Variants in HINFP observed in about 807,000 individuals in gnomAD.
HINFP encodes MBD2 (methyl-CpG-binding protein)-interacting zinc finger protein.
Under a neutral mutation model 50.1 loss-of-function variants are expected in HINFP, and 20 were observed. That is an observed-to-expected ratio of 0.40 (90% CI 0.28 to 0.58). HINFP has a LOEUF of 0.58. HINFP is among the 20% of genes least tolerant of loss of function. The probability of loss-of-function intolerance (pLI) is 0.45; values close to 1 mark genes in which losing one functional copy is unlikely to be tolerated. For missense variants in HINFP, 505 were observed against 664.1 expected (o/e 0.76, Z 2.63); for synonymous variants, 247 against 243.7 (o/e 1.01, Z -0.13).
chr11:119,122,026 G>T, intron 1 of HINFP: 1 of 152,350 alleles, frequency 6.6e-6, no homozygotes. Context: ...ACTTTGTTTC[G>T]GTCGTTGTCT....
chr11:119,124,159 A>C (rs1307289730), intron 1 of HINFP: 1 of 152,222 alleles, frequency 6.6e-6, no homozygotes, highest in East Asian at 1.9e-4. Flanking sequence ...GTCTGTGAGC[A>C]GCTCAGCAAC....
At chr11:119,125,070 A>G (rs1215131934) in intron 1 of HINFP, 1 of 90,614 alleles carries the variant, frequency 1.1e-5, no homozygotes, top group Non-Finnish European at 2.0e-5. Context: ...ACAGAGTCTT[A>G]CTCTGTTGCC....
At chr11:119,132,287 T>A in intron 5 of HINFP, 2 of 624,690 alleles carry the variant, frequency 3.2e-6, no homozygotes, top group African/African-American at 1.8e-5. Context: ...TTACCTGAGA[T>A]CACACAGCTA....
At chr11:119,126,744 C>CT (rs1947429967) in intron 1 of HINFP, 191 bp from the exon 2 acceptor site, 1 of 537,078 alleles carries the variant, frequency 1.9e-6, no homozygotes, top group Non-Finnish European at 3.3e-6. Context: ...TTTGTTTTCC[C>CT]TTTCCACAAA....
rs375778507 is a variant in HINFP, at chr11:119,131,684, C to T, written c.523+38C>T. The stretch of plus-strand genomic sequence containing the variant: ...CTTAACTTGTGGCTTCTGGAGGAAA[C>T]GCTGGGGTTCCTGAAGAGCTGGGAC... On this transcript the variant is annotated intron_variant, in intron 4 of 9. Transcript: ENST00000350777. The surrounding 1 kb of genome is among the most constrained non-coding windows in gnomAD (Gnocchi z 4.2). The T allele has an allele frequency of 3.0e-5, 48 of 1,595,002 alleles. No homozygotes were observed. In the South Asian group the frequency reaches 3.4e-4, roughly 11 times the overall value.
chr11:119,132,422 A>T, intron 5 of HINFP, 74 bp from the exon 6 acceptor site: 1 of 1,487,204 alleles, frequency 6.7e-7, no homozygotes, highest in Non-Finnish European at 9.4e-7. Context: ...TCTGCCTGGG[A>T]TGGTTCCCCT....
At chr11:119,133,374 T>C in intron 9 of HINFP, 155 bp downstream of exon 9, 1 of 830,074 alleles carries the variant, frequency 1.2e-6, no homozygotes, top group South Asian at 1.6e-5. Flanking sequence ...AGGTCAGGAG[T>C]TCGAGACCAG....
rs1030469660 is a variant in HINFP at position 119,135,408 on chromosome 11, G to A, written c.*910G>A. 8 of 152,192 alleles carry A rather than the reference G, an allele frequency of 5.3e-5. No homozygotes were observed. The highest frequency in any genetic ancestry group is 1.9e-4 in the African/African-American group (8 of 41,430). The allele number at this position is 152,192 out of a possible 1,614,324, so 9.4% of individuals were successfully genotyped here. ...TAGGGTAGGGGTTCTTTACCTGGGA[G>A]TGGGAAGGAAGCTGGGGGGTGGAGA... On this transcript the variant is annotated 3_prime_UTR_variant, in exon 10 of 10. Coordinates refer to ENST00000350777, the MANE Select transcript of HINFP (RefSeq NM_198971.3).
chr11:119,126,354 C>CAAAAAAAAAAAAAAAAAAAA (rs55703263), intron 1 of HINFP: 1 of 62,690 alleles, frequency 1.6e-5, no homozygotes. Context: ...AACTCAATCT[C>CAAAAAAAAAAAAAAAAAAAA]AAAAAAAAAA....
rs1407012736 is a variant in HINFP at position 119,132,642 on chromosome 11, T to A, written c.755-19T>A. The A allele has an allele frequency of 5.5e-5, 88 of 1,613,920 alleles. No individual in the cohort carries two copies. The highest frequency in any genetic ancestry group is 7.4e-5 in the Non-Finnish European group (87 of 1,180,010). On this transcript the variant is annotated intron_variant, in intron 6 of 9. Coordinates refer to ENST00000350777, the MANE Select transcript of HINFP (RefSeq NM_198971.3). ...TTCCACAAGTTCTCACATCACAGCC[T>A]CCTCTCTGCTTCTCTCAGTGAATCA... is the stretch of plus-strand genomic sequence containing the variant.
At chr11:119,132,334 T>G (rs913656881) in intron 5 of HINFP, 162 bp from the exon 6 acceptor site, 2 of 673,638 alleles carry the variant, frequency 3.0e-6, no homozygotes, top group African/African-American at 3.6e-5. Flanking sequence ...TCAGGTTCTC[T>G]AAGTCCCATG....
At chr11:119,133,772 G>T in intron 9 of HINFP, 1 of 483,476 alleles carries the variant, frequency 2.1e-6, no homozygotes, top group Admixed American at 3.5e-5. Context: ...TAGAGCTAGA[G>T]TCTAAGGGTT....
intron 3 of HINFP, 23 bp downstream of exon 3, chr11:119,130,977 T>A (rs1436162251): frequency 6.2e-7 from 1 of 1,600,216 alleles, no homozygotes. Context: ...TGCCAGTAAT[T>A]GGGGTGGAAG....
In HINFP at chr11:119,131,578, C is replaced by T. The variant is rs774030018; in HGVS notation, c.455C>T (p.Ala152Val). ...NPEWFYRHVE[A>V]HSLCCEYEAV... The stretch of plus-strand genomic sequence containing the variant: ...GAGTGGTTTTATCGGCATGTGGAAG[C>T]ACACAGTCTGTGCTGTGAATACGAA... The change falls in exon 4 of 10, where the codon GCA becomes GTA. Residue 152 changes from alanine (A) to valine (V), a missense_variant. Physicochemically the swap from Ala to Val is moderately conservative, Grantham distance 64. Transcript: ENST00000350777. The surrounding 1 kb of genome is among the most constrained non-coding windows in gnomAD (Gnocchi z 4.2). 6.2e-7 allele frequency: 1 copy of T among 1,614,174 alleles called. No individual in the cohort carries two copies. Among genetic ancestry groups the T allele is most frequent in the South Asian group, 1.1e-5 (1 of 91,090 alleles).
rs776228336 is a variant in HINFP at position 119,134,028 on chromosome 11, C to T, written c.1140-56C>T. 6.2e-7 allele frequency: 1 copy of T among 1,610,214 alleles called. No homozygotes were observed. Among genetic ancestry groups the T allele is most frequent in the Non-Finnish European group, 8.5e-7 (1 of 1,176,704 alleles). ...TTGTTCCTTACTTTGCCAGCCTCGG[C>T]CATTTCTGTATCCCCCTGCCTGGGT... On this transcript the variant is annotated intron_variant, in intron 9 of 9. Transcript: ENST00000350777. The surrounding 1 kb of genome is among the most constrained non-coding windows in gnomAD (Gnocchi z 4.3).
chr11:119,131,667 G>A lies in HINFP; in HGVS notation c.523+21G>A, dbSNP rs755016785. On this transcript the variant is annotated intron_variant, in intron 4 of 9. Transcript: ENST00000350777. This position sits in a 1 kb window ranked among gnomAD's most constrained non-coding sequence, Gnocchi z 4.2. Reference sequence around the variant, plus strand: ...GAAAGGTAGGGCTGCTTCTTAACTTGTGGCTTCTGGAGGAAACGCTGGGGT... The same window carrying A: ...GAAAGGTAGGGCTGCTTCTTAACTTATGGCTTCTGGAGGAAACGCTGGGGT... The A allele has an allele frequency of 6.2e-7, 1 of 1,606,620 alleles. No homozygotes were observed. The highest frequency in any genetic ancestry group is 8.5e-7 in the Non-Finnish European group (1 of 1,173,236).
At position 119,131,740 on chromosome 11, in the gene HINFP, G is replaced by T; in HGVS notation, c.524-90G>T. 6.2e-7 allele frequency: 1 copy of T among 1,601,136 alleles called. No individual in the cohort carries two copies. Among genetic ancestry groups the T allele is most frequent in the Non-Finnish European group, 8.6e-7 (1 of 1,169,502 alleles). ...GGGATAGGGGTCCTACAGGGGCAAGGTTGACTGCCGGCTGGAGAGACTCAG... is the reference window on the plus strand; with the variant it reads ...GGGATAGGGGTCCTACAGGGGCAAGTTTGACTGCCGGCTGGAGAGACTCAG... On this transcript the variant is annotated intron_variant, in intron 4 of 9. Coordinates refer to ENST00000350777, the MANE Select transcript of HINFP (RefSeq NM_198971.3). This position sits in a 1 kb window ranked among gnomAD's most constrained non-coding sequence, Gnocchi z 4.2.
intron 2 of HINFP, among the ~76,000 whole-genome samples, chr11:119,128,031 T>G (rs1947514934): frequency 6.6e-6 from 1 of 151,988 alleles, no homozygotes. Context: ...TTTTTGTACT[T>G]TTAGTAGAGA....
At chr11:119,123,865 A>G (rs1262190222) in intron 1 of HINFP, 1 of 152,050 alleles carries the variant, frequency 6.6e-6, no homozygotes. Context: ...GGCGTGTGCC[A>G]CCATACCTAG....
Sources: allele counts gnomAD v4.1 joint callset (sites outside exome capture counted in the v4.1 genomes callset), GRCh38; gene constraint gnomAD v4.1.1; non-coding constraint Gnocchi (gnomAD v3.1); transcripts MANE v1.5; gene names NCBI Gene and HGNC (gene_info 2026-07-23, HGNC 2026-07-21).